SLC9A9: variants seen among roughly 807,000 people sequenced by gnomAD.
SLC9A9 encodes the protein sodium/hydrogen exchanger 9.
Under a neutral mutation model 77.8 loss-of-function variants are expected in SLC9A9, and 62 were observed. That is an observed-to-expected ratio of 0.80 (90% CI 0.65 to 0.98). The LOEUF is 0.98. Among genes scored for constraint, SLC9A9 ranks in the 50% least tolerant of loss-of-function variants. SLC9A9 has a pLI of 0.00. For synonymous variants in SLC9A9, 320 were observed against 283.5 expected (o/e 1.13, Z -1.29); for missense variants, 775 against 774.9 (o/e 1.00, Z 0.00).
chr3:143,512,110 C>A (rs538390052), intron 9 of SLC9A9, among the ~76,000 whole-genome samples: 2 of 152,304 alleles, frequency 1.3e-5, no homozygotes, highest in East Asian at 1.9e-4. Context: ...CAACTCACAG[C>A]AGAGAACTTA....
At chr3:143,353,938 A>G (rs2032526314) in intron 14 of SLC9A9, among the ~76,000 whole-genome samples, 2 of 152,018 alleles carry the variant, frequency 1.3e-5, no homozygotes, top group African/African-American at 4.8e-5. Context: ...GTACCACATC[A>G]CTCTACCTTT....
At chr3:143,276,908 T>C (rs956800987) in intron 14 of SLC9A9, among the ~76,000 whole-genome samples, 1 of 152,196 alleles carries the variant, frequency 6.6e-6, no homozygotes, top group Non-Finnish European at 1.5e-5. Context: ...TAGGAAACTC[T>C]GGTCAGGGAT....
intron 6 of SLC9A9, among the ~76,000 whole-genome samples, chr3:143,635,512 T>A (rs1181129672): frequency 6.6e-6 from 1 of 152,214 alleles, no homozygotes; most frequent in African/African-American, 2.4e-5. Context: ...GTTTATGGCA[T>A]TCAAATTGAG....
At chr3:143,716,632 G>A (rs1403029962) in intron 4 of SLC9A9, among the ~76,000 whole-genome samples, 2 of 152,096 alleles carry the variant, frequency 1.3e-5, no homozygotes, top group Non-Finnish European at 2.9e-5. Flanking sequence ...GAAGCAGTAG[G>A]TCAAAGTTAG....
intron 6 of SLC9A9, among the ~76,000 whole-genome samples, chr3:143,581,030 A>C (rs1306314842): frequency 6.6e-6 from 1 of 152,262 alleles, no homozygotes; most frequent in Non-Finnish European, 1.5e-5. Context: ...AGGGAAGCCT[A>C]AAATGTAAAT....
At chr3:143,583,914 A>T (rs2037496711) in intron 6 of SLC9A9, among the ~76,000 whole-genome samples, 1 of 152,134 alleles carries the variant, frequency 6.6e-6, no homozygotes, top group Admixed American at 6.5e-5. Flanking sequence ...ATCTGATCAT[A>T]TGAATTTGTT....
chr3:143,669,169 C>T (rs2039121720), intron 5 of SLC9A9, among the ~76,000 whole-genome samples: 1 of 152,212 alleles, frequency 6.6e-6, no homozygotes, highest in Admixed American at 6.5e-5. Flanking sequence ...TTGACCTCAT[C>T]AACTTGGCTG....
rs550646693 is a variant in SLC9A9, at chr3:143,652,953, A to C, written c.650-593T>G. On this transcript the variant is annotated intron_variant, in intron 5 of 15. Transcript: ENST00000316549. Reference sequence around the variant, plus strand: ...TTTGGATCAAATCACTGAACTTACCACAGAAAGGACTGGGAGCTCCCTGGA... The same window carrying C: ...TTTGGATCAAATCACTGAACTTACCCCAGAAAGGACTGGGAGCTCCCTGGA... Among the ~76,000 whole-genome samples the C allele has an allele frequency of 2.0e-5, 3 of 152,134 alleles. No homozygotes were observed. The South Asian group carries it at 6.2e-4, about 32-fold the overall frequency.
chr3:143,280,146 T>C (rs1938173359), intron 14 of SLC9A9, among the ~76,000 whole-genome samples: 1 of 151,860 alleles, frequency 6.6e-6, no homozygotes, highest in African/African-American at 2.4e-5. Flanking sequence ...TTATGTTTGT[T>C]TCTCCGGTCC....
chr3:143,507,582 A>T (rs891779934), intron 9 of SLC9A9, among the ~76,000 whole-genome samples: 1 of 152,228 alleles, frequency 6.6e-6, no homozygotes, highest in Non-Finnish European at 1.5e-5. Context: ...TTGAAGCATC[A>T]TTATTAGCCA....
chr3:143,370,423 G>A lies in SLC9A9; in HGVS notation c.1525-6860C>T, dbSNP rs117605119. 1.9e-3 allele frequency among the ~76,000 whole-genome samples: 287 copies of A among 152,158 alleles called. 7 individuals carry two copies. The East Asian group carries it at 0.046, about 24-fold the overall frequency. On this transcript the variant is annotated intron_variant, in intron 13 of 15. Coordinates refer to ENST00000316549, the MANE Select transcript of SLC9A9 (RefSeq NM_173653.4). ...ATTAAATACAAAGACAAAAAATGAT[G>A]GACCAACTTAGAGAGAGGAGGAAGT...
Position 143,266,869 on chromosome 3 carries a change from A to G in SLC9A9, c.1771T>C (p.Tyr591His). 10 of 1,614,142 alleles carry G rather than the reference A, an allele frequency of 6.2e-6. No homozygotes were observed. Among genetic ancestry groups the G allele is most frequent in the Non-Finnish European group, 7.6e-6 (9 of 1,180,022 alleles). ...CAGGGTGAGGAGGCTTGCTCCTGGT[A>G]ATTTATGGCTAGTTCATCCTGGTTT... ...IVNQDELAIN[Y>H]QEQASSPCSP... The change falls in exon 16 of 16, where the codon TAC becomes CAC. Residue 591 changes from tyrosine to histidine, a missense_variant. Coordinates refer to ENST00000316549, the MANE Select transcript of SLC9A9 (RefSeq NM_173653.4).
intron 11 of SLC9A9, among the ~76,000 whole-genome samples, chr3:143,468,149 G>A (rs920941608): frequency 6.6e-6 from 1 of 152,150 alleles, no homozygotes; most frequent in African/African-American, 2.4e-5. Flanking sequence ...AGATTATTGT[G>A]TGAACGTAAG....
At chr3:143,560,145 C>T (rs1198097057) in intron 8 of SLC9A9, among the ~76,000 whole-genome samples, 4 of 152,226 alleles carry the variant, frequency 2.6e-5, no homozygotes, top group African/African-American at 9.6e-5. Context: ...AGCACCAAAT[C>T]ACCTGGGGAT....
intron 9 of SLC9A9, chr3:143,518,320 A>T: frequency 1.4e-6 from 1 of 726,362 alleles, no homozygotes; most frequent in Admixed American, 2.5e-5. Context: ...AGGGCTGTTT[A>T]ACTACTTTCT....
In SLC9A9 at chr3:143,569,882, C is replaced by G. The variant is rs927545038; in HGVS notation, c.1000+4206G>C. Among the ~76,000 whole-genome samples, 4 of 148,210 alleles carry G rather than the reference C, an allele frequency of 2.7e-5. No individual in the cohort carries two copies. The Admixed American group carries it at 2.7e-4, about 10-fold the overall frequency. On this transcript the variant is annotated intron_variant, in intron 8 of 15. Transcript: ENST00000316549. ...AGAATAGAATGCAGTCATGTCATAG[C>G]TCATTGCAGTCTTGAACTCCTGGGC...
At chr3:143,838,165 AG>A (rs1474427702) in intron 1 of SLC9A9, among the ~76,000 whole-genome samples, 2 of 152,238 alleles carry the variant, frequency 1.3e-5, no homozygotes, top group African/African-American at 4.8e-5. Flanking sequence ...CAAAGTTTTA[AG>A]GGACCCTAAA....
intron 6 of SLC9A9, among the ~76,000 whole-genome samples, chr3:143,585,739 C>T (rs1282193999): frequency 6.6e-6 from 1 of 152,174 alleles, no homozygotes; most frequent in African/African-American, 2.4e-5. Flanking sequence ...GTGGGCTTAC[C>T]CCACATACTC....
intron 12 of SLC9A9, among the ~76,000 whole-genome samples, chr3:143,441,841 TCCATC>T (rs775980009): frequency 7.3e-4 from 111 of 151,256 alleles, no homozygotes; most frequent in Middle Eastern, 3.4e-3. Context: ...CATTCATCCA[TCCATC>T]CATCCATCCA....
Sources: gnomAD v4.1 joint callset for allele counts (sites outside exome capture counted in the v4.1 genomes callset) on GRCh38, gnomAD v4.1.1 for gene constraint, MANE v1.5 for transcripts, NCBI Gene and HGNC (gene_info 2026-07-23, HGNC 2026-07-21) for gene names.